Variants in PODXL observed in about 807,000 individuals in gnomAD.
PODXL encodes podocalyxin like, also known as podocalyxin.
PODXL carries 20 observed loss-of-function variants against 48.9 expected under a neutral mutation model. The ratio of observed to expected loss-of-function variants is 0.41; its 90% CI spans 0.29 to 0.59. The LOEUF is 0.59. PODXL is among the 20% of genes least tolerant of loss of function. The pLI, the probability that PODXL is intolerant of heterozygous loss-of-function variation, is 0.31. For missense variants in PODXL, 606 were observed against 675.1 expected (o/e 0.90, Z 1.13); for synonymous variants, 295 against 287.4 (o/e 1.03, Z -0.27).
intron 2 of PODXL, 111 bp downstream of exon 2, chr7:131,510,717 C>T: frequency 7.8e-7 from 1 of 1,281,926 alleles, no homozygotes; most frequent in Non-Finnish European, 1.1e-6. Flanking sequence ...GGTGATCCAC[C>T]TGTCTCGGCC....
At chr7:131,533,542 G>A (rs908941392) in intron 1 of PODXL, among the ~76,000 whole-genome samples, 6 of 152,182 alleles carry the variant, frequency 3.9e-5, no homozygotes, top group South Asian at 2.1e-4. Flanking sequence ...ATGTCCCAGC[G>A]ATGGGGAAGG....
At chr7:131,522,659 A>G (rs1798109524) in intron 1 of PODXL, among the ~76,000 whole-genome samples, 1 of 152,208 alleles carries the variant, frequency 6.6e-6, no homozygotes, top group South Asian at 2.1e-4. Context: ...CGCACTAAAG[A>G]CACAGCAAAA....
intron 1 of PODXL, among the ~76,000 whole-genome samples, chr7:131,549,351 T>C (rs1798633218): frequency 6.6e-6 from 1 of 152,132 alleles, no homozygotes; most frequent in African/African-American, 2.4e-5. Flanking sequence ...ATAAAGGTCA[T>C]GCAAAGGCAG....
At chr7:131,522,362 T>G (rs891666999) in intron 1 of PODXL, among the ~76,000 whole-genome samples, 2 of 151,982 alleles carry the variant, frequency 1.3e-5, no homozygotes, top group African/African-American at 4.8e-5. Flanking sequence ...GAGAACCGCT[T>G]GAACCCGGGA....
intron 1 of PODXL, among the ~76,000 whole-genome samples, chr7:131,544,441 C>T (rs970911954): frequency 4.6e-5 from 7 of 152,232 alleles, no homozygotes; most frequent in East Asian, 1.9e-4. Flanking sequence ...AAGGCCAGGA[C>T]GGCTCCCACC....
chr7:131,511,044 G>A lies in PODXL; in HGVS notation c.490C>T (p.His164Tyr), dbSNP rs769100799. 5 of 1,614,030 alleles carry A rather than the reference G, an allele frequency of 3.1e-6. No individual in the cohort carries two copies. In the African/African-American group the frequency reaches 5.3e-5, roughly 17 times the overall value. ...DTTNSGGKSS[H>Y]SVTTDLTSTK... ...GATGTGAGGTCTGTGGTCACACTGT[G>A]GCTGCTTTTCCCCCCAGAGTTTGTT... Residue 164 changes from histidine to tyrosine, a missense_variant, in exon 2 of 9, where the codon CAC becomes TAC. Transcript: ENST00000378555.
chr7:131,506,205 C>T (rs1430428145), intron 7 of PODXL, 55 bp downstream of exon 7: 1 of 1,587,228 alleles, frequency 6.3e-7, no homozygotes, highest in Non-Finnish European at 8.7e-7. Flanking sequence ...AGTAACCAGA[C>T]CTCCCACAAG....
At chr7:131,526,685 T>C (rs1160651101) in intron 1 of PODXL, among the ~76,000 whole-genome samples, 1 of 148,422 alleles carries the variant, frequency 6.7e-6, no homozygotes, top group East Asian at 2.0e-4. Context: ...AGTGTGGCAT[T>C]ATCAAAGAAA....
At chr7:131,542,260 C>T (rs1006437315) in intron 1 of PODXL, among the ~76,000 whole-genome samples, 3 of 152,208 alleles carry the variant, frequency 2.0e-5, no homozygotes, top group Admixed American at 1.3e-4. Flanking sequence ...TCTCTCTCTG[C>T]CCAGTCTGGC....
intron 1 of PODXL, among the ~76,000 whole-genome samples, chr7:131,555,215 G>C (rs1016469474): frequency 1.3e-5 from 2 of 152,056 alleles, no homozygotes; most frequent in African/African-American, 4.8e-5. Context: ...TGCTGTCCCC[G>C]CAGTCCTCCT....
In PODXL at chr7:131,511,103, T is replaced by G. The variant is rs773498382; in HGVS notation, c.431A>C (p.Asn144Thr). ...TGCTCCATTCTGGCTGCTTGTGGTG[T>G]TAGGTTTAGCTGTGGCTGTGGAGGT... is the stretch of plus-strand genomic sequence containing the variant. ...VATSTATAKP[N>T]TTSSQNGAED... The change falls in exon 2 of 9, where the codon AAC becomes ACC. Residue 144 changes from asparagine to threonine, a missense_variant. Asn to Thr is a moderately conservative substitution (Grantham distance 65). Coordinates refer to ENST00000378555, the MANE Select transcript of PODXL (RefSeq NM_001018111.3). The G allele has an allele frequency of 1.9e-6, 3 of 1,613,950 alleles. No individual in the cohort carries two copies. The Admixed American group carries it at 5.0e-5, about 27-fold the overall frequency.
At chr7:131,538,001 G>T (rs773761633) in intron 1 of PODXL, among the ~76,000 whole-genome samples, 1 of 152,184 alleles carries the variant, frequency 6.6e-6, no homozygotes, top group Admixed American at 6.5e-5. Context: ...CCAGTTTAGG[G>T]CCATTGTGAA....
chr7:131,509,202 C>A (rs1011261667), intron 4 of PODXL, 163 bp downstream of exon 4: 8 of 816,482 alleles, frequency 9.8e-6, no homozygotes, highest in Non-Finnish European at 1.6e-5. Context: ...GCAGCTCAAG[C>A]CAGGACCAGG....
rs1798743193 is a variant in PODXL, at chr7:131,556,285, C to CGACGGT, written c.74_75insACCGTC (p.Pro30_Ser31dup). ...CATTCTGGGAGGGCGACGGCGACGGCGACGGCGACGACGGCAGCAGCGGCG... is the reference window on the plus strand; with the variant it reads ...CATTCTGGGAGGGCGACGGCGACGGCGACGGTGACGGCGACGACGGCAGCAGCGGCG... On this transcript the variant is annotated inframe_insertion, in exon 1 of 9. Transcript: ENST00000378555. 6.7e-7 allele frequency: 1 copy of CGACGGT among 1,484,828 alleles called. No homozygotes were observed. The highest frequency in any genetic ancestry group is 8.9e-7 in the Non-Finnish European group (1 of 1,121,482). 92.0% of individuals were successfully genotyped at this position (1,484,828 alleles called of 1,614,324 possible). A position where few individuals can be genotyped will look rare whatever the true frequency, so the allele number is the denominator to read the frequency against.
intron 1 of PODXL, among the ~76,000 whole-genome samples, chr7:131,521,156 T>C (rs1347804927): frequency 4.3e-5 from 2 of 46,056 alleles, no homozygotes; most frequent in Non-Finnish European, 1.0e-4. Flanking sequence ...CGACTCCATC[T>C]CAAAAAAAAA....
intron 1 of PODXL, among the ~76,000 whole-genome samples, chr7:131,517,604 T>C (rs1798021720): frequency 6.6e-6 from 1 of 152,198 alleles, no homozygotes; most frequent in South Asian, 2.1e-4. Context: ...ACGTCCAAAA[T>C]TGGCAGGGCC....
In PODXL at chr7:131,556,304, A is replaced by G. The variant is rs2116881111; in HGVS notation, c.56T>C (p.Leu19Pro). ...ALLLLLSTPP[L>P]LPSSPSPSPS... Reference sequence around the variant, plus strand: ...CGACGGCGACGGCGACGACGGCAGCAGCGGCGGCGTTGACAACAGTAGCAG... The same window carrying G: ...CGACGGCGACGGCGACGACGGCAGCGGCGGCGGCGTTGACAACAGTAGCAG... The change falls in exon 1 of 9, where the codon CTG becomes CCG. Residue 19 changes from leucine (L) to proline (P), a missense_variant. Coordinates refer to ENST00000378555, the MANE Select transcript of PODXL (RefSeq NM_001018111.3). 1 of 1,424,056 alleles carries G rather than the reference A, an allele frequency of 7.0e-7. No individual in the cohort carries two copies. The highest frequency in any genetic ancestry group is 9.4e-7 in the Non-Finnish European group (1 of 1,062,706). The allele number at this position is 1,424,056 out of a possible 1,614,324, so 88.2% of individuals were successfully genotyped here. A position where few individuals can be genotyped will look rare whatever the true frequency, so the allele number is the denominator to read the frequency against.
intron 1 of PODXL, among the ~76,000 whole-genome samples, chr7:131,539,806 C>T (rs1798445475): frequency 6.6e-6 from 1 of 152,178 alleles, no homozygotes; most frequent in Admixed American, 6.5e-5. Flanking sequence ...CTCGGGGCAG[C>T]TCTGAGACCA....
intron 8 of PODXL, among the ~76,000 whole-genome samples, chr7:131,505,016 A>G (rs1442765054): frequency 6.6e-6 from 1 of 152,126 alleles, no homozygotes; most frequent in African/African-American, 2.4e-5. Context: ...TGTATGCTAG[A>G]ATCACCTGGG....
Sources: allele counts gnomAD v4.1 joint callset (sites outside exome capture counted in the v4.1 genomes callset), GRCh38; gene constraint gnomAD v4.1.1; transcripts MANE v1.5; gene names NCBI Gene and HGNC (gene_info 2026-07-23, HGNC 2026-07-21).